Variants in BBS1 observed in about 807,000 individuals in gnomAD.
BBS1 encodes Bardet-Biedl syndrome 1, also known as BBSome complex member BBS1.
Under a neutral mutation model 73.9 loss-of-function variants are expected in BBS1, and 60 were observed. The observed-to-expected ratio is 0.81, with a 90% confidence interval of 0.66 to 1.01. BBS1 has a LOEUF of 1.01. Ranked by LOEUF, BBS1 falls within the 50% of genes least tolerant of loss-of-function variation. The pLI, the probability that BBS1 is intolerant of heterozygous loss-of-function variation, is 0.00. For synonymous variants in BBS1, 283 were observed against 317.4 expected, an observed-to-expected ratio of 0.89 and a Z score of 1.15; for missense variants, 718 against 770.3, an observed-to-expected ratio of 0.93 and a Z score of 0.80.
At chr11:66,518,439 G>A in intron 7 of BBS1, among the ~76,000 whole-genome samples, 1 of 147,602 alleles carries the variant, frequency 6.8e-6, no homozygotes. Flanking sequence ...TTGTATTTCT[G>A]TACAGATGAG....
At chr11:66,522,130 T>C (rs1471494053) in intron 9 of BBS1, among the ~76,000 whole-genome samples, 2 of 149,678 alleles carry the variant, frequency 1.3e-5, no homozygotes, top group East Asian at 4.1e-4. Flanking sequence ...GGCAGGAGAA[T>C]GGCGTGAACC....
intron 2 of BBS1, 21 bp downstream of exon 2, chr11:66,511,110 A>T (rs767624328): frequency 6.2e-7 from 1 of 1,613,780 alleles, no homozygotes; most frequent in South Asian, 1.1e-5. Flanking sequence ...GGAACCAGGA[A>T]CCCTGGGTTC....
chr11:66,531,792 G>A (rs1273465474), intron 16 of BBS1, 50 bp downstream of exon 16: 7 of 1,613,578 alleles, frequency 4.3e-6, no homozygotes, highest in Middle Eastern at 1.6e-4. Flanking sequence ...CCCTGGGGAG[G>A]ACAGTAAGGG....
chr11:66,530,752 C>A, intron 14 of BBS1, 142 bp from the exon 15 acceptor site: 1 of 1,245,546 alleles, frequency 8.0e-7, no homozygotes, highest in Non-Finnish European at 1.2e-6. Context: ...TCTGCCCCTT[C>A]TGGTCTTCTG....
At chr11:66,525,736 C>T (rs1856461444) in intron 11 of BBS1, among the ~76,000 whole-genome samples, 1 of 152,100 alleles carries the variant, frequency 6.6e-6, no homozygotes, top group Non-Finnish European at 1.5e-5. Context: ...GGGTTGGAGT[C>T]AAATGTGGAA....
intron 7 of BBS1, among the ~76,000 whole-genome samples, chr11:66,517,320 A>G (rs891941121): frequency 7.9e-5 from 12 of 152,136 alleles, no homozygotes; most frequent in Non-Finnish European, 1.6e-4. Flanking sequence ...TTACAAAAGA[A>G]ACATGTGCCC....
chr11:66,526,693 G>A lies in BBS1; in HGVS notation c.1225G>A (p.Val409Ile). 1 of 1,614,218 alleles carries A rather than the reference G, an allele frequency of 6.2e-7. No individual in the cohort carries two copies. Among genetic ancestry groups the A allele is most frequent in the South Asian group, 1.1e-5 (1 of 91,086 alleles). The change falls in exon 13 of 17, where the codon GTA becomes ATA. Residue 409 changes from valine (V) to isoleucine (I), a missense_variant. By Grantham distance (29) the Val-to-Ile change is conservative (BLOSUM62 3). Transcript: ENST00000318312. ...GATCCTGAAGCGTACAGCAGTGTTT[G>A]TAGAGGGAGGAAGTGAGGTGGGTCC... ...IKILKRTAVF[V>I]EGGSEVGPPP...
intron 3 of BBS1, among the ~76,000 whole-genome samples, chr11:66,513,510 C>T (rs563800447): frequency 1.3e-5 from 2 of 152,016 alleles, no homozygotes; most frequent in Non-Finnish European, 2.9e-5. Flanking sequence ...AATAATGGTG[C>T]CTACTTCATA....
intron 9 of BBS1, among the ~76,000 whole-genome samples, chr11:66,521,786 C>T (rs539668405): frequency 1.3e-5 from 2 of 151,180 alleles, no homozygotes; most frequent in East Asian, 3.9e-4. Context: ...ATGCCTCTAG[C>T]CCCAGCTACT....
intron 13 of BBS1, chr11:66,529,181 G>A: frequency 1.5e-6 from 2 of 1,327,458 alleles, no homozygotes; most frequent in Non-Finnish European, 2.0e-6. Context: ...GAAGAGGAGG[G>A]ACAGTGGGGT....
intron 12 of BBS1, 66 bp downstream of exon 12, chr11:66,526,258 G>A: frequency 6.7e-7 from 1 of 1,482,326 alleles, no homozygotes; most frequent in Non-Finnish European, 9.4e-7. Context: ...TGCTTCTGGG[G>A]AAAGAGGAGG....
intron 4 of BBS1, among the ~76,000 whole-genome samples, chr11:66,515,336 G>A (rs528717804): frequency 8.5e-4 from 129 of 152,276 alleles, no homozygotes; most frequent in African/African-American, 3.1e-3. Context: ...ATTTGGGGAG[G>A]CATGGATTTG....
chr11:66,518,860 G>GAGTTCTT (rs1856116451), intron 7 of BBS1, among the ~76,000 whole-genome samples: 1 of 146,874 alleles, frequency 6.8e-6, no homozygotes. Flanking sequence ...TGGGATCAAG[G>GAGTTCTT]GATCCTCCTG....
At chr11:66,519,249 T>C (rs970620970) in intron 7 of BBS1, among the ~76,000 whole-genome samples, 2 of 152,096 alleles carry the variant, frequency 1.3e-5, no homozygotes, top group Non-Finnish European at 2.9e-5. Flanking sequence ...CGTGCGCCTG[T>C]AATCCCAGCT....
chr11:66,525,041 A>T lies in BBS1; in HGVS notation c.1111-1082A>T, dbSNP rs1856423521. ...CGGTAAAACCCCGTCTCTACTAAAA[A>T]TACAAAAAATTAGCCGGGCATGGTG... On this transcript the variant is annotated intron_variant, in intron 11 of 16. Transcript: ENST00000318312. 2.0e-5 allele frequency among the ~76,000 whole-genome samples: 3 copies of T among 152,274 alleles called. No individual in the cohort carries two copies. The South Asian group carries it at 6.2e-4, about 32-fold the overall frequency.
chr11:66,524,966 C>T (rs546141545), intron 11 of BBS1, among the ~76,000 whole-genome samples: 15 of 151,906 alleles, frequency 9.9e-5, no homozygotes, highest in African/African-American at 1.9e-4. Context: ...TTTGGGAGGC[C>T]GAGGCAGGCA....
rs1160427010 is a variant in BBS1 at position 66,523,507 on chromosome 11, A to C, written c.882A>C (p.Gly294=). Residue 294 remains glycine, a synonymous_variant, in exon 10 of 17, where the codon GGA becomes GGC. Coordinates refer to ENST00000318312, the MANE Select transcript of BBS1 (RefSeq NM_024649.5). ...TCGAGCTGAGCGCCCAGCCTGTGGGACTTATCCGGGTACACAAGGTCCTAG... is the reference window on the plus strand; with the variant it reads ...TCGAGCTGAGCGCCCAGCCTGTGGGCCTTATCCGGGTACACAAGGTCCTAG... The part of the protein sequence containing the change: ...YCIELSAQPV[G]LIRVHKVLVV... 6.2e-7 allele frequency: 1 copy of C among 1,614,016 alleles called. No homozygotes were observed. The highest frequency in any genetic ancestry group is 1.1e-5 in the South Asian group (1 of 91,064).
chr11:66,523,652 T>C, intron 10 of BBS1, 72 bp from the exon 11 acceptor site: 1 of 1,611,312 alleles, frequency 6.2e-7, no homozygotes. Flanking sequence ...TCCTCTGGCT[T>C]CCCCACCCCA....
At position 66,530,096 on chromosome 11, in the gene BBS1, G is replaced by A; in HGVS notation, c.1473+144G>A. ...CCCCATCACCTTCCCGCAGACCTGG[G>A]GACCGAGTCTCATGTCCTCCTTTGT... On this transcript the variant is annotated intron_variant, in intron 14 of 16. Coordinates refer to ENST00000318312, the MANE Select transcript of BBS1 (RefSeq NM_024649.5). The A allele has an allele frequency of 2.5e-6, 3 of 1,210,164 alleles. No homozygotes were observed. In the East Asian group the frequency reaches 7.7e-5, roughly 31 times the overall value. 75.0% of individuals were successfully genotyped at this position (1,210,164 alleles called of 1,614,324 possible).
Sources: gnomAD v4.1 joint callset for allele counts (sites outside exome capture counted in the v4.1 genomes callset) on GRCh38, gnomAD v4.1.1 for gene constraint, MANE v1.5 for transcripts, NCBI Gene and HGNC (gene_info 2026-07-23, HGNC 2026-07-21) for gene names.